The following MED12L variants were observed in gnomAD, a reference collection of about 807,000 sequenced individuals.
The protein encoded by MED12L is mediator complex subunit 12L.
MED12L carries 60 observed loss-of-function variants against 281.3 expected under a neutral mutation model. That is an observed-to-expected ratio of 0.21 (90% CI 0.17 to 0.26). The LOEUF is 0.26. Ranked by LOEUF, MED12L falls within the 10% of genes least tolerant of loss-of-function variation. The probability of loss-of-function intolerance (pLI) is 1.00; values close to 1 mark genes in which losing one functional copy is unlikely to be tolerated. For missense variants in MED12L, 2,146 were observed against 2,680.9 expected (o/e 0.80, Z 4.41); for synonymous variants, 974 against 987.2 (o/e 0.99, Z 0.25).
intron 14 of MED12L, among the ~76,000 whole-genome samples, 176 bp from the exon 15 acceptor site, chr3:151,192,374 A>G (rs1264826667): frequency 6.6e-6 from 1 of 152,220 alleles, no homozygotes; most frequent in Non-Finnish European, 1.5e-5. Context: ...GAGGGAAAAG[A>G]ATGTGACTGT....
intron 11 of MED12L, among the ~76,000 whole-genome samples, chr3:151,168,750 G>A (rs1275972501): frequency 6.6e-6 from 1 of 152,170 alleles, no homozygotes; most frequent in Non-Finnish European, 1.5e-5. Flanking sequence ...CTGTTGCCCA[G>A]GCTAGAGTGC....
At chr3:151,369,369 C>T (rs988009831) in intron 25 of MED12L, 67 bp from the exon 26 acceptor site, 1 of 1,112,500 alleles carries the variant, frequency 9.0e-7, no homozygotes, top group Non-Finnish European at 1.3e-6. Context: ...GGCTGACTGC[C>T]TGTAAATAAT....
intron 16 of MED12L, among the ~76,000 whole-genome samples, chr3:151,241,571 C>T (rs1367885114): frequency 1.3e-5 from 2 of 152,030 alleles, no homozygotes; most frequent in African/African-American, 2.4e-5. Flanking sequence ...ATTATGTTAA[C>T]TGGAATACAT....
At chr3:151,343,237 G>C (rs897986118) in intron 16 of MED12L, among the ~76,000 whole-genome samples, 1 of 152,030 alleles carries the variant, frequency 6.6e-6, no homozygotes, top group Admixed American at 6.6e-5. Context: ...ATGAAACAAG[G>C]CTTATTCAAG....
chr3:151,339,698 T>C (rs558869221), intron 16 of MED12L, among the ~76,000 whole-genome samples: 151 of 152,180 alleles, frequency 9.9e-4, no homozygotes, highest in African/African-American at 3.4e-3. Context: ...TGAGTTGGCA[T>C]TCCTCAAAAC....
chr3:151,299,642 C>A (rs553379086), intron 16 of MED12L, among the ~76,000 whole-genome samples: 1 of 151,800 alleles, frequency 6.6e-6, no homozygotes, highest in Admixed American at 6.6e-5. Context: ...CCACACCTGG[C>A]TAATTTTTTG....
At chr3:151,348,368 A>G (rs1426621761) in intron 16 of MED12L, among the ~76,000 whole-genome samples, 2 of 149,304 alleles carry the variant, frequency 1.3e-5, no homozygotes, top group Non-Finnish European at 3.0e-5. Context: ...AAAAAAGAAA[A>G]AAGAAATATA....
intron 2 of MED12L, among the ~76,000 whole-genome samples, chr3:151,107,864 A>G (rs948312907): frequency 6.6e-6 from 1 of 152,168 alleles, no homozygotes. Context: ...AGGTAAGCCT[A>G]TGCATTCAAA....
At chr3:151,086,445 G>C (rs992232963) in intron 1 of MED12L, 1 of 152,360 alleles carries the variant, frequency 6.6e-6, no homozygotes, top group South Asian at 2.1e-4. Context: ...CGCCTTGGGC[G>C]AGCACTTCAG....
At chr3:151,369,299 C>A in intron 25 of MED12L, 137 bp from the exon 26 acceptor site, 1 of 524,246 alleles carries the variant, frequency 1.9e-6, no homozygotes, top group Non-Finnish European at 3.5e-6. Context: ...TTAGTGAATC[C>A]ATGAAGCATC....
intron 38 of MED12L, among the ~76,000 whole-genome samples, chr3:151,390,485 C>G (rs1024114729): frequency 6.6e-6 from 1 of 152,132 alleles, no homozygotes; most frequent in Non-Finnish European, 1.5e-5. Flanking sequence ...CAATATTGCA[C>G]AGTGTCTTTT....
In MED12L at chr3:151,382,637, GT is replaced by G. The variant is rs769187451; in HGVS notation, c.4591-12del. 10 of 1,591,370 alleles carry G rather than the reference GT, an allele frequency of 6.3e-6. No individual in the cohort carries two copies. The highest frequency in any genetic ancestry group is 2.3e-5 in the East Asian group (1 of 44,044). ...GAGAAAAATTAAACTTTAATGGGGA[GT>G]TTTTTTCCGGATCTTAGATTTTAAG... On this transcript the variant is annotated intron_variant, in intron 32 of 44. Transcript: ENST00000687756.
Position 151,186,810 on chromosome 3 carries a change from T to G in MED12L, c.1626+1349T>G, listed in dbSNP as rs1290661194. Among the ~76,000 whole-genome samples, 5 of 152,342 alleles carry G rather than the reference T, an allele frequency of 3.3e-5. No homozygotes were observed. The East Asian group carries it at 9.6e-4, about 29-fold the overall frequency. The stretch of plus-strand genomic sequence containing the variant: ...TTTATCTAGTTAATCTGCTTATTGT[T>G]TAATACCTACCTTCCCCCTCTAGAA... On this transcript the variant is annotated intron_variant, in intron 12 of 44. Coordinates refer to ENST00000687756, the MANE Select transcript of MED12L (RefSeq NM_001393769.1).
At chr3:151,338,447 G>C in intron 16 of MED12L, 1 of 1,614,028 alleles carries the variant, frequency 6.2e-7, no homozygotes, top group Non-Finnish European at 8.5e-7. Context: ...TTTTGGGGTT[G>C]GATGTTTTAA....
chr3:151,215,967 A>G (rs73021144), intron 16 of MED12L, among the ~76,000 whole-genome samples: 6,919 of 152,030 alleles, frequency 0.046, 481 homozygotes, highest in African/African-American at 0.15. Flanking sequence ...CTTTATCCTC[A>G]AGGCCTCAGC....
intron 16 of MED12L, among the ~76,000 whole-genome samples, chr3:151,343,408 T>G (rs1447183449): frequency 6.6e-6 from 1 of 152,164 alleles, no homozygotes; most frequent in Non-Finnish European, 1.5e-5. Context: ...TAAATTAACT[T>G]TATTTTTCCT....
chr3:151,392,333 G>T (rs1714348261), intron 38 of MED12L, among the ~76,000 whole-genome samples: 1 of 151,784 alleles, frequency 6.6e-6, no homozygotes, highest in Admixed American at 6.6e-5. Flanking sequence ...AGCCAGGCAT[G>T]GTGGTGCCTG....
At chr3:151,237,110 C>G (rs541256048) in intron 16 of MED12L, among the ~76,000 whole-genome samples, 1 of 146,068 alleles carries the variant, frequency 6.8e-6, no homozygotes, top group East Asian at 2.0e-4. Context: ...GTACCAGTCT[C>G]GGCTAACTGC....
intron 16 of MED12L, chr3:151,326,951 G>T (rs1749674940): frequency 6.6e-6 from 1 of 152,132 alleles, no homozygotes; most frequent in Non-Finnish European, 1.5e-5. Flanking sequence ...CTCTCAATAT[G>T]GATGTTACTG....
Sources: gnomAD v4.1 joint callset for allele counts (sites outside exome capture counted in the v4.1 genomes callset) on GRCh38, gnomAD v4.1.1 for gene constraint, MANE v1.5 for transcripts, NCBI Gene and HGNC (gene_info 2026-07-23, HGNC 2026-07-21) for gene names.